SPATA22: variants seen among roughly 807,000 people sequenced by gnomAD.
SPATA22 encodes spermatogenesis-associated protein 22.
Under a neutral mutation model 47.8 loss-of-function variants are expected in SPATA22, and 29 were observed. That is an observed-to-expected ratio of 0.61 (90% CI 0.45 to 0.83). SPATA22 has a LOEUF of 0.83. Ranked by LOEUF, SPATA22 falls within the 40% of genes least tolerant of loss-of-function variation. The pLI is 0.00. For synonymous variants in SPATA22, 133 were observed against 140.9 expected (o/e 0.94, Z 0.40); for missense variants, 410 against 421.7 (o/e 0.97, Z 0.24).
upstream of SPATA22, among the ~76,000 whole-genome samples, chr17:3,472,676 G>T (rs1242583381): frequency 6.6e-6 from 1 of 152,202 alleles, no homozygotes; most frequent in East Asian, 1.9e-4. Flanking sequence ...TGAGTTCAAA[G>T]CCCATGTTTT....
chr17:3,464,535 A>G (rs180697209), intron 3 of SPATA22, among the ~76,000 whole-genome samples: 48,762 of 101,386 alleles, frequency 0.48, 12,360 homozygotes, highest in Non-Finnish European at 0.6. Flanking sequence ...AGGAAGTGAG[A>G]AGCGCCTCTT....
At chr17:3,448,496 A>T (rs2072777931) in intron 6 of SPATA22, among the ~76,000 whole-genome samples, 1 of 152,226 alleles carries the variant, frequency 6.6e-6, no homozygotes, top group Non-Finnish European at 1.5e-5. Flanking sequence ...AGAATGACAT[A>T]TCAAGAGCCT....
chr17:3,512,437 G>C (rs532641516), intron 1 of SPATA22: 2 of 152,324 alleles, frequency 1.3e-5, no homozygotes, highest in African/African-American at 4.8e-5. Flanking sequence ...CTGGCCCAGA[G>C]TGCACTGCTA....
intron 1 of SPATA22, among the ~76,000 whole-genome samples, chr17:3,484,785 C>T (rs1384861944): frequency 1.3e-5 from 2 of 152,148 alleles, no homozygotes; most frequent in Non-Finnish European, 2.9e-5. Flanking sequence ...AATTGGTGGA[C>T]CAGTCCCTGT....
chr17:3,475,145 C>T (rs566941219), upstream of SPATA22, among the ~76,000 whole-genome samples: 1 of 152,318 alleles, frequency 6.6e-6, no homozygotes, highest in East Asian at 1.9e-4. Context: ...ACATATGTGA[C>T]TTTCTGGGTG....
At chr17:3,456,084 T>C (rs1468068807) in intron 5 of SPATA22, among the ~76,000 whole-genome samples, 1 of 152,212 alleles carries the variant, frequency 6.6e-6, no homozygotes, top group African/African-American at 2.4e-5. Flanking sequence ...ACTCATGATT[T>C]GGCTCTCTGT....
chr17:3,450,642 T>G (rs1278057093), intron 5 of SPATA22, among the ~76,000 whole-genome samples: 5 of 152,234 alleles, frequency 3.3e-5, no homozygotes, highest in Non-Finnish European at 5.9e-5. Context: ...TTTGTAATTT[T>G]ATTTTCAATA....
intron 1 of SPATA22, among the ~76,000 whole-genome samples, chr17:3,478,184 CAAAA>C (rs1015063984): frequency 7.2e-6 from 1 of 139,112 alleles, no homozygotes; most frequent in African/African-American, 2.7e-5. Flanking sequence ...GACTCCGTCT[CAAAA>C]AAAAAAATAT....
chr17:3,483,614 C>T (rs985009064), intron 1 of SPATA22: 1 of 1,565,834 alleles, frequency 6.4e-7, no homozygotes, highest in South Asian at 1.1e-5. Context: ...TTCCCACTGT[C>T]ATAACTCAAT....
intron 3 of SPATA22, among the ~76,000 whole-genome samples, chr17:3,465,104 G>A (rs1240753435): frequency 7.8e-6 from 1 of 127,586 alleles, no homozygotes; most frequent in East Asian, 2.3e-4. Flanking sequence ...CACCCCGTCT[G>A]GGAAGTGAGG....
At position 3,452,374 on chromosome 17, in the gene SPATA22, A is replaced by G. The variant is rs144202067; in HGVS notation, c.330-3225T>C. Among the ~76,000 whole-genome samples, 365 of 152,020 alleles carry G rather than the reference A, an allele frequency of 2.4e-3. 1 individual carries two copies. The highest frequency in any genetic ancestry group is 8.2e-3 in the African/African-American group (341 of 41,534). The stretch of plus-strand genomic sequence containing the variant: ...TTTGGGAGGCCGAGGCAGGCGGAGC[A>G]CAAGGCCAAGAGATCGAGACCATCC... On this transcript the variant is annotated intron_variant, in intron 5 of 8. Transcript: ENST00000572969.
chr17:3,448,166 G>A (rs530438238), intron 6 of SPATA22, among the ~76,000 whole-genome samples: 10 of 152,294 alleles, frequency 6.6e-5, no homozygotes, highest in African/African-American at 2.2e-4. Context: ...TAGAGCATTG[G>A]ACAATTAGTA....
chr17:3,477,899 A>C (rs1226871994), intron 1 of SPATA22, among the ~76,000 whole-genome samples: 1 of 151,796 alleles, frequency 6.6e-6, no homozygotes, highest in Non-Finnish European at 1.5e-5. Flanking sequence ...TATAAGATAC[A>C]TGGCCGGGCA....
At chr17:3,447,054 T>G (rs2072742457) in intron 6 of SPATA22, among the ~76,000 whole-genome samples, 1 of 152,098 alleles carries the variant, frequency 6.6e-6, no homozygotes, top group Non-Finnish European at 1.5e-5. Context: ...GACAAAACAG[T>G]CAAGATATCT....
At chr17:3,476,732 A>G (rs2073529585), upstream of SPATA22, among the ~76,000 whole-genome samples, 1 of 152,224 alleles carries the variant, frequency 6.6e-6, no homozygotes, top group African/African-American at 2.4e-5. Context: ...GCATTGAGTT[A>G]GTGTTTGGCC....
chr17:3,505,307 C>G, intron 1 of SPATA22, among the ~76,000 whole-genome samples: 1 of 152,230 alleles, frequency 6.6e-6, no homozygotes, highest in East Asian at 1.9e-4. Context: ...TGCAAAAGCT[C>G]CAAGAAAGCA....
At chr17:3,513,330 G>A (rs1471772697) in intron 1 of SPATA22, 1 of 152,790 alleles carries the variant, frequency 6.5e-6, no homozygotes, top group Admixed American at 6.5e-5. Flanking sequence ...TTCACTCCAA[G>A]GATGGTCTCC....
At chr17:3,493,067 G>A (rs899747111) in intron 1 of SPATA22, among the ~76,000 whole-genome samples, 2 of 152,270 alleles carry the variant, frequency 1.3e-5, no homozygotes, top group East Asian at 1.9e-4. Flanking sequence ...ACCATAACAC[G>A]CTGTGGGCCC....
intron 5 of SPATA22, among the ~76,000 whole-genome samples, chr17:3,457,479 A>G (rs2073023759): frequency 2.0e-5 from 3 of 151,012 alleles, no homozygotes; most frequent in Non-Finnish European, 4.4e-5. Flanking sequence ...TAGAAAAAAC[A>G]ATCCTAAAAT....
Sources: gnomAD v4.1 joint callset for allele counts (sites outside exome capture counted in the v4.1 genomes callset) on GRCh38, gnomAD v4.1.1 for gene constraint, MANE v1.5 for transcripts, NCBI Gene and HGNC (gene_info 2026-07-23, HGNC 2026-07-21) for gene names.